The following IL1RAPL2 variants were observed in gnomAD, a reference collection of about 807,000 sequenced individuals.
IL1RAPL2 encodes the protein X-linked interleukin-1 receptor accessory protein-like 2.
In IL1RAPL2, 3 loss-of-function variants were observed where a neutral mutation model predicts 44.1. That is an observed-to-expected ratio of 0.07 (90% CI 0.03 to 0.18). The LOEUF is 0.18. IL1RAPL2 is among the 10% of genes least tolerant of loss of function. The pLI, the probability that IL1RAPL2 is intolerant of heterozygous loss-of-function variation, is 1.00. For missense variants in IL1RAPL2, 391 were observed against 496.4 expected, an observed-to-expected ratio of 0.79 and a Z score of 2.02; for synonymous variants, 181 against 178.8, an observed-to-expected ratio of 1.01 and a Z score of -0.10.
intron 1 of IL1RAPL2, among the ~76,000 whole-genome samples, chrX:104,637,828 GTGTC>G (rs1929853618): frequency 1.8e-5 from 2 of 109,682 alleles, no homozygotes; most frequent in African/African-American, 6.6e-5. Flanking sequence ...GTGTGTCTGT[GTGTC>G]TGTGTGTGTG....
chrX:105,644,604 T>C (rs563450655), intron 6 of IL1RAPL2, among the ~76,000 whole-genome samples: 7 of 111,150 alleles, frequency 6.3e-5, no homozygotes, highest in African/African-American at 2.3e-4. Flanking sequence ...GTTCTTGTTA[T>C]TTTCTTATTT....
intron 2 of IL1RAPL2, among the ~76,000 whole-genome samples, chrX:104,934,915 G>A (rs943195450): frequency 4.5e-5 from 5 of 111,902 alleles, no homozygotes; most frequent in African/African-American, 9.7e-5. Context: ...CTTGTGCTGC[G>A]GAGTCAGGCC....
At chrX:104,762,143 GC>G (rs1315928938) in intron 2 of IL1RAPL2, among the ~76,000 whole-genome samples, 1 of 108,787 alleles carries the variant, frequency 9.2e-6, no homozygotes, top group Non-Finnish European at 1.9e-5. Context: ...GATTACAGGT[GC>G]CCACCACCAC....
intron 1 of IL1RAPL2, among the ~76,000 whole-genome samples, chrX:104,587,515 C>T (rs1481878201): frequency 8.9e-6 from 1 of 111,902 alleles, no homozygotes; most frequent in Non-Finnish European, 1.9e-5. Flanking sequence ...CAAGAATGTG[C>T]ATCCTTTGGG....
chrX:104,869,597 T>A (rs900590397), intron 2 of IL1RAPL2, among the ~76,000 whole-genome samples: 6 of 111,868 alleles, frequency 5.4e-5, no homozygotes, highest in African/African-American at 1.9e-4. Context: ...AGGGCACATG[T>A]GCACAACGTG....
intron 2 of IL1RAPL2, among the ~76,000 whole-genome samples, chrX:105,152,119 A>G: frequency 9.0e-6 from 1 of 111,034 alleles, no homozygotes; most frequent in African/African-American, 3.3e-5. Context: ...ATGTAACCAA[A>G]CACCACCTGT....
chrX:105,085,566 T>C (rs2032468831), intron 2 of IL1RAPL2, among the ~76,000 whole-genome samples: 1 of 112,250 alleles, frequency 8.9e-6, no homozygotes. Flanking sequence ...TTGTATATCA[T>C]TGGTGGGAAT....
At chrX:105,410,076 G>A (rs1408755670) in intron 5 of IL1RAPL2, among the ~76,000 whole-genome samples, 1 of 110,486 alleles carries the variant, frequency 9.1e-6, no homozygotes, top group East Asian at 2.9e-4. Context: ...GAAGACTTGA[G>A]GGAAAATCAA....
At chrX:105,744,716 T>G (rs771752870) in intron 8 of IL1RAPL2, among the ~76,000 whole-genome samples, 14 of 111,934 alleles carry the variant, frequency 1.3e-4, no homozygotes, top group Non-Finnish European at 2.6e-4. Flanking sequence ...CTTACCTATC[T>G]GTCTTCTGTC....
chrX:105,318,467 G>A (rs1027408432), intron 5 of IL1RAPL2, among the ~76,000 whole-genome samples: 1 of 111,556 alleles, frequency 9.0e-6, no homozygotes, highest in Admixed American at 9.5e-5. Context: ...AATTTTTTTG[G>A]AGGAGTTGGA....
chrX:105,639,744 A>G (rs2037550847), intron 6 of IL1RAPL2, among the ~76,000 whole-genome samples: 1 of 110,740 alleles, frequency 9.0e-6, no homozygotes, highest in Admixed American at 9.7e-5. Context: ...TTATTAGGCT[A>G]CTCTCCTTAC....
chrX:104,975,897 G>A (rs2030324625), intron 2 of IL1RAPL2, among the ~76,000 whole-genome samples: 1 of 111,070 alleles, frequency 9.0e-6, no homozygotes, highest in Non-Finnish European at 1.9e-5. Flanking sequence ...TTGGGGGACC[G>A]AGGAGACTCC....
chrX:105,656,413 C>T (rs187559704), intron 6 of IL1RAPL2, among the ~76,000 whole-genome samples: 3 of 111,525 alleles, frequency 2.7e-5, no homozygotes, highest in East Asian at 5.6e-4. Flanking sequence ...CTTCATATCA[C>T]AACCTGTTTG....
At chrX:104,585,344 T>TATATATTATATA (rs1928523879) in intron 1 of IL1RAPL2, among the ~76,000 whole-genome samples, 10 of 12,103 alleles carry the variant, frequency 8.3e-4, no homozygotes, top group African/African-American at 4.0e-3. Flanking sequence ...TATTATATAT[T>TATATATTATATA]ATATATATTA....
intron 3 of IL1RAPL2, among the ~76,000 whole-genome samples, chrX:105,225,092 C>A (rs782555530): frequency 8.9e-6 from 1 of 111,756 alleles, no homozygotes; most frequent in Admixed American, 9.5e-5. Flanking sequence ...GCTGCCTGTA[C>A]CCTTAGGTGG....
At chrX:105,667,405 A>G (rs138607114) in intron 6 of IL1RAPL2, among the ~76,000 whole-genome samples, 154 of 112,379 alleles carry the variant, frequency 1.4e-3, no homozygotes, top group Middle Eastern at 4.6e-3. Context: ...CTGATTCCCA[A>G]TTGTGAACAG....
intron 1 of IL1RAPL2, among the ~76,000 whole-genome samples, chrX:104,592,145 ATGTGTGTGTGTGTGTGTGTGTG>A (rs35940205): frequency 1.0e-4 from 6 of 60,216 alleles, no homozygotes; most frequent in Admixed American, 2.4e-4. Context: ...ATGCCCGTAT[ATGTGTGTGTGTGTGTGTGTGTG>A]TGTGTGTGTG....
chrX:105,093,090 G>A (rs950231717), intron 2 of IL1RAPL2, among the ~76,000 whole-genome samples: 1 of 110,102 alleles, frequency 9.1e-6, no homozygotes, highest in Non-Finnish European at 1.9e-5. Context: ...ACAAAAGTGG[G>A]TAGAAAGTTT....
chrX:105,159,998 C>A (rs1408208795), intron 2 of IL1RAPL2, among the ~76,000 whole-genome samples: 1 of 95,971 alleles, frequency 1.0e-5, no homozygotes, highest in Non-Finnish European at 2.1e-5. Context: ...CCCCCCACTC[C>A]ACCCCATTTT....
Sources: allele counts gnomAD v4.1 joint callset (sites outside exome capture counted in the v4.1 genomes callset), GRCh38; gene constraint gnomAD v4.1.1; transcripts MANE v1.5; gene names NCBI Gene and HGNC (gene_info 2026-07-23, HGNC 2026-07-21).